The following DNAJC10 variants were observed in gnomAD, a reference collection of about 807,000 sequenced individuals.
The protein encoded by DNAJC10 is endoplasmic reticulum disulfide reductase DNAJC10.
A neutral mutation model predicts 115.0 loss-of-function variants in DNAJC10; 101 were observed. The observed-to-expected ratio is 0.88, with a 90% CI of 0.75 to 1.04. DNAJC10 has a LOEUF of 1.04. Among genes scored for constraint, DNAJC10 ranks in the 50% least tolerant of loss-of-function variants. DNAJC10 has a pLI of 0.00. For missense variants in DNAJC10, 981 were observed against 928.8 expected (o/e 1.06, Z -0.73); for synonymous variants, 307 against 301.5 (o/e 1.02, Z -0.19).
chr2:182,745,142 A>G (rs1693828435), intron 14 of DNAJC10, among the ~76,000 whole-genome samples: 2 of 152,216 alleles, frequency 1.3e-5, no homozygotes, highest in African/African-American at 2.4e-5. Flanking sequence ...CATAGAAGCA[A>G]TAATCTCATC....
chr2:182,723,037 C>T (rs1468243288), intron 5 of DNAJC10, among the ~76,000 whole-genome samples: 5 of 105,776 alleles, frequency 4.7e-5, no homozygotes, highest in African/African-American at 1.1e-4. Context: ...GCAAGGGTGG[C>T]TTTTTTTTTT....
chr2:182,723,965 A>G (rs1332082306), intron 5 of DNAJC10, among the ~76,000 whole-genome samples: 1 of 152,210 alleles, frequency 6.6e-6, no homozygotes, highest in Non-Finnish European at 1.5e-5. Flanking sequence ...CCCTCTAGTG[A>G]AGCTTTCCCA....
At chr2:182,762,921 T>C (rs1487586900) in intron 22 of DNAJC10, 120 bp downstream of exon 22, 1 of 1,137,538 alleles carries the variant, frequency 8.8e-7, no homozygotes, top group African/African-American at 1.6e-5. Context: ...TATTATTACA[T>C]ATTACTGATA....
intron 19 of DNAJC10, 110 bp from the exon 20 acceptor site, chr2:182,758,727 T>A: frequency 5.2e-6 from 4 of 766,992 alleles, no homozygotes; most frequent in Admixed American, 2.3e-5. Flanking sequence ...AGATACCAGA[T>A]GAAATCAATC....
intron 5 of DNAJC10, among the ~76,000 whole-genome samples, 178 bp downstream of exon 5, chr2:182,722,253 CATT>C (rs953143475): frequency 1.8e-4 from 28 of 152,124 alleles, no homozygotes; most frequent in African/African-American, 5.5e-4. Context: ...ATAATAAAAA[CATT>C]AATATTTATG....
At chr2:182,728,306 T>G (rs188632947) in intron 5 of DNAJC10, among the ~76,000 whole-genome samples, 33 of 152,362 alleles carry the variant, frequency 2.2e-4, no homozygotes, top group Admixed American at 3.9e-4. Flanking sequence ...TGAGGCTGCT[T>G]CTTTTTCAAG....
intron 22 of DNAJC10, among the ~76,000 whole-genome samples, chr2:182,774,506 A>C (rs1336960608): frequency 5.3e-5 from 8 of 152,330 alleles, no homozygotes; most frequent in South Asian, 2.1e-4. Flanking sequence ...GGCTCCACCC[A>C]GTTTGAGCAT....
Position 182,720,100 on chromosome 2 carries a change from G to A in DNAJC10, c.298G>A (p.Gly100Arg). The change falls in exon 4 of 24, where the codon GGA (glycine) becomes AGA (arginine). Residue 100 changes from glycine (G) to arginine (R), a missense_variant. Gly to Arg is a moderately radical substitution (Grantham distance 125). Transcript: ENST00000264065. ...TCTACGGAAAAAGTATGACAAATAT[G>A]GAGAAAAGGGACTTGAGGATAATCA... ...EDLRKKYDKY[G>R]EKGLEDNQGG... is the part of the protein sequence containing the mutation. 8.1e-6 allele frequency: 13 copies of A among 1,611,576 alleles called. No homozygotes were observed. The highest frequency in any genetic ancestry group is 1.1e-5 in the Non-Finnish European group (13 of 1,178,276).
intron 14 of DNAJC10, among the ~76,000 whole-genome samples, chr2:182,749,085 C>T (rs572733591): frequency 6.6e-6 from 1 of 151,894 alleles, no homozygotes; most frequent in African/African-American, 2.4e-5. Flanking sequence ...AGGGTGTGGC[C>T]AATTTTGGAA....
chr2:182,746,942 T>C (rs1271032820), intron 14 of DNAJC10, among the ~76,000 whole-genome samples: 15 of 151,596 alleles, frequency 9.9e-5, no homozygotes, highest in African/African-American at 3.6e-4. Flanking sequence ...TTCAGCTTTC[T>C]ACATATGGCT....
At chr2:182,728,492 G>A in intron 5 of DNAJC10, 84 bp from the exon 6 acceptor site, 2 of 867,628 alleles carry the variant, frequency 2.3e-6, no homozygotes, top group Non-Finnish European at 1.8e-6. Flanking sequence ...TTAAAATTCT[G>A]ATCTCCACAA....
At chr2:182,757,934 G>GTT in intron 19 of DNAJC10, 109 bp downstream of exon 19, 2 of 630,670 alleles carry the variant, frequency 3.2e-6, no homozygotes, top group Non-Finnish European at 5.1e-6. Flanking sequence ...TATTTATTGG[G>GTT]AGCCCACTAC....
intron 9 of DNAJC10, among the ~76,000 whole-genome samples, chr2:182,732,041 A>G (rs901951920): frequency 6.6e-6 from 1 of 152,040 alleles, no homozygotes; most frequent in Non-Finnish European, 1.5e-5. Context: ...CTCTCATTGT[A>G]TTCTAGTGTT....
At chr2:182,764,306 G>A (rs976580793) in intron 22 of DNAJC10, among the ~76,000 whole-genome samples, 1 of 152,080 alleles carries the variant, frequency 6.6e-6, no homozygotes, top group Non-Finnish European at 1.5e-5. Context: ...TATACCATGT[G>A]GCTTATCACT....
chr2:182,772,642 G>GTGTTT lies in DNAJC10; in HGVS notation c.2266-2647_2266-2643dup, dbSNP rs372492290. Reference sequence around the variant, plus strand: ...TCAGAGACTAGGATTGCAACCCATGGTGTTTTGTTTTGTTTTGTTTTGTTT... The same window carrying GTGTTT: ...TCAGAGACTAGGATTGCAACCCATGGTGTTTTGTTTTGTTTTGTTTTGTTTTGTTT... On this transcript the variant is annotated intron_variant, in intron 22 of 23. Transcript: ENST00000264065. Among the ~76,000 whole-genome samples the GTGTTT allele has an allele frequency of 2.1e-3, 299 of 141,338 alleles. 3 individuals carry two copies. The highest frequency in any genetic ancestry group is 6.7e-3 in the African/African-American group (262 of 39,154). 92.7% of individuals were successfully genotyped at this position (141,338 alleles called of 152,430 possible).
rs1694978742 is a variant in DNAJC10, at chr2:182,787,954, T to C, written c.*10822T>C. 6.6e-6 allele frequency: 1 copy of C among 152,044 alleles called. No individual in the cohort carries two copies. Among genetic ancestry groups the C allele is most frequent in the Non-Finnish European group, 1.5e-5 (1 of 67,988 alleles). 9.4% of individuals were successfully genotyped at this position (152,044 alleles called of 1,614,324 possible). Reference sequence around the variant, plus strand: ...AAAGGTAAAGAATGATTTTAGGAATTAGGTGTCTCTAAATTGAAGTAATGC... The same window carrying C: ...AAAGGTAAAGAATGATTTTAGGAATCAGGTGTCTCTAAATTGAAGTAATGC... On this transcript the variant is annotated 3_prime_UTR_variant, in exon 24 of 24. Transcript: ENST00000264065.
At chr2:182,725,981 C>T (rs1693273469) in intron 5 of DNAJC10, among the ~76,000 whole-genome samples, 1 of 152,124 alleles carries the variant, frequency 6.6e-6, no homozygotes, top group African/African-American at 2.4e-5. Flanking sequence ...TCATAAGGCT[C>T]TACCTGCCAT....
intron 14 of DNAJC10, among the ~76,000 whole-genome samples, chr2:182,744,465 A>T (rs553363809): frequency 6.6e-6 from 1 of 152,336 alleles, no homozygotes; most frequent in African/African-American, 2.4e-5. Flanking sequence ...TATTAATGAC[A>T]ACAAGATCAA....
At chr2:182,749,777 T>G (rs1048734752) in intron 14 of DNAJC10, among the ~76,000 whole-genome samples, 1 of 152,234 alleles carries the variant, frequency 6.6e-6, no homozygotes, top group East Asian at 1.9e-4. Context: ...CTCAGTGGTT[T>G]AAAACAAACA....
Sources: allele counts gnomAD v4.1 joint callset (sites outside exome capture counted in the v4.1 genomes callset), GRCh38; gene constraint gnomAD v4.1.1; transcripts MANE v1.5; gene names NCBI Gene and HGNC (gene_info 2026-07-23, HGNC 2026-07-21).